HIPK3: variants seen among roughly 807,000 people sequenced by gnomAD.
HIPK3 encodes homeodomain-interacting protein kinase 3.
A neutral mutation model predicts 124.2 loss-of-function variants in HIPK3; 47 were observed. The observed-to-expected ratio is 0.38, with a 90% CI of 0.30 to 0.48. The LOEUF (loss-of-function observed/expected upper bound fraction) is 0.48. Among genes scored for constraint, HIPK3 ranks in the 20% least tolerant of loss-of-function variants. HIPK3 has a pLI of 0.98. For missense variants in HIPK3, 1,286 were observed against 1,454.3 expected, an observed-to-expected ratio of 0.88 and a Z score of 1.88; for synonymous variants, 482 against 515.2, an observed-to-expected ratio of 0.94 and a Z score of 0.87.
At chr11:33,330,170 G>GT (rs1010185489) in intron 3 of HIPK3, among the ~76,000 whole-genome samples, 2 of 151,960 alleles carry the variant, frequency 1.3e-5, no homozygotes, top group African/African-American at 4.8e-5. Context: ...TATAATGAAT[G>GT]TTTGTTTTTT....
chr11:33,350,429 G>A (rs1408814525), intron 14 of HIPK3, among the ~76,000 whole-genome samples: 1 of 151,950 alleles, frequency 6.6e-6, no homozygotes, highest in East Asian at 1.9e-4. Flanking sequence ...CACTTTGGGA[G>A]GCCAAGGCAG....
chr11:33,274,783 C>G (rs1004120434), intron 1 of HIPK3, among the ~76,000 whole-genome samples: 1 of 152,116 alleles, frequency 6.6e-6, no homozygotes, highest in Admixed American at 6.5e-5. Context: ...TGATTTCTAG[C>G]AGCTTTGAAA....
At chr11:33,288,758 T>C (rs1441273451) in intron 2 of HIPK3, among the ~76,000 whole-genome samples, 1 of 152,262 alleles carries the variant, frequency 6.6e-6, no homozygotes, top group African/African-American at 2.4e-5. Context: ...CATAGTTTGA[T>C]AACTTTGAGC....
intron 3 of HIPK3, chr11:33,335,800 A>G (rs988178395): frequency 6.6e-6 from 1 of 152,132 alleles, no homozygotes; most frequent in Non-Finnish European, 1.5e-5. Flanking sequence ...ATTCTCAAAT[A>G]CAGGTTAGGG....
chr11:33,329,786 G>A (rs1489861059), intron 3 of HIPK3, among the ~76,000 whole-genome samples: 1 of 152,202 alleles, frequency 6.6e-6, no homozygotes, highest in African/African-American at 2.4e-5. Flanking sequence ...ACTACCGTCA[G>A]TTCTGAACGA....
chr11:33,344,360 G>A (rs1389349724), intron 8 of HIPK3, among the ~76,000 whole-genome samples: 11 of 152,036 alleles, frequency 7.2e-5, no homozygotes, highest in Non-Finnish European at 1.3e-4. Flanking sequence ...TCAGTTTGAG[G>A]GTCACCACTT....
intron 2 of HIPK3, among the ~76,000 whole-genome samples, chr11:33,315,458 C>G (rs1852472670): frequency 6.6e-6 from 1 of 152,218 alleles, no homozygotes; most frequent in Admixed American, 6.5e-5. Flanking sequence ...ATCTCCTGAC[C>G]TCGTGATCCA....
rs892003677 is a variant in HIPK3, at chr11:33,348,223, C to T, written c.2364C>T (p.Phe788=). Residue 788 remains phenylalanine (F), a synonymous_variant, in exon 12 of 17, where the codon TTC becomes TTT. Transcript: ENST00000303296. Reference sequence around the variant, plus strand: ...CAGGAAGAGAGGAAATAAATGCTTTCAGTTGGTAAGATTGTCTTTATTGCC... The same window carrying T: ...CAGGAAGAGAGGAAATAAATGCTTTTAGTTGGTAAGATTGTCTTTATTGCC... ...WEPGREEINA[F]SWSNSLQNTN... The T allele has an allele frequency of 1.9e-6, 3 of 1,613,016 alleles. No individual in the cohort carries two copies. The highest frequency in any genetic ancestry group is 2.7e-5 in the African/African-American group (2 of 74,912).
intron 1 of HIPK3, among the ~76,000 whole-genome samples, chr11:33,273,660 G>A (rs1231885693): frequency 6.6e-6 from 1 of 151,528 alleles, no homozygotes. Flanking sequence ...AAAATACTTT[G>A]AATTTAGCAG....
chr11:33,352,535 C>T (rs1853696139), intron 16 of HIPK3, among the ~76,000 whole-genome samples: 1 of 152,136 alleles, frequency 6.6e-6, no homozygotes, highest in South Asian at 2.1e-4. Context: ...ACATCATTAA[C>T]CTTCCTGAAT....
intron 1 of HIPK3, 104 bp from the exon 2 acceptor site, chr11:33,286,309 C>A (rs1851548292): frequency 3.8e-6 from 4 of 1,050,224 alleles, no homozygotes; most frequent in Non-Finnish European, 5.2e-6. Flanking sequence ...GAATTTGACC[C>A]TTAAGAGTTT....
chr11:33,310,511 G>A (rs750769851), intron 2 of HIPK3, among the ~76,000 whole-genome samples: 16 of 152,118 alleles, frequency 1.1e-4, no homozygotes, highest in Non-Finnish European at 1.9e-4. Flanking sequence ...GTTTTGCTAT[G>A]TTGGGCAGGC....
chr11:33,343,909 A>G (rs1447053840), intron 8 of HIPK3, among the ~76,000 whole-genome samples: 1 of 152,206 alleles, frequency 6.6e-6, no homozygotes, highest in African/African-American at 2.4e-5. Flanking sequence ...AGTATCTGTA[A>G]CAGTGACATT....
Position 33,257,616 on chromosome 11 carries a change from A to C in HIPK3, c.-276A>C, listed in dbSNP as rs1049185001. ...GCCCTAGCCAAGCCGTCCCCACCCC[A>C]AATCCCCGGGAAGGAAGATGAGGGA... On this transcript the variant is annotated 5_prime_UTR_variant, in exon 1 of 17. Transcript: ENST00000303296. The C allele has an allele frequency of 4.0e-6, 4 of 988,066 alleles. No homozygotes were observed. Among genetic ancestry groups the C allele is most frequent in the Admixed American group, 6.1e-5 (1 of 16,278 alleles). 61.2% of individuals were successfully genotyped at this position (988,066 alleles called of 1,614,324 possible).
chr11:33,270,303 CTTAT>C (rs144273168), intron 1 of HIPK3, among the ~76,000 whole-genome samples: 8 of 151,766 alleles, frequency 5.3e-5, no homozygotes, highest in South Asian at 2.1e-4. Flanking sequence ...TGTTTGAAAC[CTTAT>C]TTATTTATTT....
chr11:33,284,102 A>G (rs552160574), intron 1 of HIPK3, among the ~76,000 whole-genome samples: 16 of 152,310 alleles, frequency 1.1e-4, no homozygotes, highest in African/African-American at 3.6e-4. Context: ...TAATATCGAT[A>G]TTACAGATTG....
At chr11:33,322,395 A>C (rs764831149) in intron 2 of HIPK3, among the ~76,000 whole-genome samples, 1 of 152,192 alleles carries the variant, frequency 6.6e-6, no homozygotes, top group Non-Finnish European at 1.5e-5. Flanking sequence ...TTTATATTGG[A>C]TTGCCAGTAT....
intron 2 of HIPK3, among the ~76,000 whole-genome samples, chr11:33,316,801 C>CTATA (rs1465858059): frequency 1.3e-5 from 2 of 152,012 alleles, no homozygotes; most frequent in Non-Finnish European, 2.9e-5. Flanking sequence ...CCAGCCTGGG[C>CTATA]TATAGACAAG....
In HIPK3 at chr11:33,354,111, C is replaced by T. The variant is rs147337267; in HGVS notation, c.*543C>T. On this transcript the variant is annotated 3_prime_UTR_variant, in exon 17 of 17. Coordinates refer to ENST00000303296, the MANE Select transcript of HIPK3 (RefSeq NM_005734.5). ...TCAGCTGCATTGTAAACCGTTCCTA[C>T]ACATAGTGCCTTAAATATTTGAGGT... The T allele has an allele frequency of 6.4e-6, 1 of 155,616 alleles. No homozygotes were observed. Among genetic ancestry groups the T allele is most frequent in the East Asian group, 1.9e-4 (1 of 5,304 alleles). The allele number at this position is 155,616 out of a possible 1,614,324, so 9.6% of individuals were successfully genotyped here.
Sources: gnomAD v4.1 joint callset for allele counts (sites outside exome capture counted in the v4.1 genomes callset) on GRCh38, gnomAD v4.1.1 for gene constraint, MANE v1.5 for transcripts, NCBI Gene and HGNC (gene_info 2026-07-23, HGNC 2026-07-21) for gene names.